The following SLC17A1 variants were observed in gnomAD, a reference collection of about 807,000 sequenced individuals.
SLC17A1 encodes the protein sodium-dependent phosphate transport protein 1.
SLC17A1 carries 51 observed loss-of-function variants against 53.5 expected under a neutral mutation model. The ratio of observed to expected loss-of-function variants is 0.95; its 90% CI spans 0.76 to 1.20. SLC17A1 has a LOEUF of 1.20. SLC17A1 is among the 50% of genes most tolerant of loss of function. The probability of loss-of-function intolerance (pLI) is 0.00; values close to 1 mark genes in which losing one functional copy is unlikely to be tolerated. For missense variants in SLC17A1, 538 were observed against 568.2 expected (o/e 0.95, Z 0.54); for synonymous variants, 179 against 198.8 (o/e 0.90, Z 0.84).
chr6:25,732,596 T>A, the SLC17A1 span: 1 of 963,370 alleles, frequency 1.0e-6, no homozygotes, highest in Non-Finnish European at 1.6e-6. Flanking sequence ...TGCCGGCGGT[T>A]CTGGAGTACC....
chr6:25,782,284 T>C (rs1442398723), downstream of SLC17A1, among the ~76,000 whole-genome samples: 2 of 152,206 alleles, frequency 1.3e-5, no homozygotes, highest in East Asian at 3.8e-4. Flanking sequence ...GCAGGTTGCC[T>C]GGCAGGGCTA....
chr6:25,731,644 A>T, the SLC17A1 span: 1 of 524,202 alleles, frequency 1.9e-6, no homozygotes, highest in Non-Finnish European at 3.2e-6. Flanking sequence ...TGTTATGCCT[A>T]GTCTAGGAAA....
At chr6:25,734,692 C>A in the SLC17A1 span, among the ~76,000 whole-genome samples, 38,789 of 152,100 alleles carry the variant, frequency 0.26, 6,455 homozygotes, top group East Asian at 0.68. Context: ...AAAATGCAAA[C>A]CTGTTTGCTA....
intron 6 of SLC17A1, among the ~76,000 whole-genome samples, chr6:25,814,614 G>A (rs1166856508): frequency 6.6e-6 from 1 of 152,016 alleles, no homozygotes; most frequent in Non-Finnish European, 1.5e-5. Flanking sequence ...ACATGACCAA[G>A]AAAAAATCAG....
the SLC17A1 span, among the ~76,000 whole-genome samples, chr6:25,736,245 C>T: frequency 2.0e-5 from 3 of 152,102 alleles, no homozygotes; most frequent in Admixed American, 1.3e-4. Flanking sequence ...CCACCCTTTC[C>T]TCCTTAATTT....
intron 10 of SLC17A1, among the ~76,000 whole-genome samples, chr6:25,805,091 T>G (rs1239416524): frequency 6.6e-6 from 1 of 152,080 alleles, no homozygotes; most frequent in East Asian, 1.9e-4. Flanking sequence ...GGTCCTCTTA[T>G]CAGCACATGA....
intron 3 of SLC17A1, among the ~76,000 whole-genome samples, chr6:25,826,173 T>C (rs1361032334): frequency 6.6e-6 from 1 of 152,134 alleles, no homozygotes; most frequent in Non-Finnish European, 1.5e-5. Context: ...TAATTTAAAA[T>C]GCTTTCCCTT....
chr6:25,787,374 G>A (rs914649719), intron 12 of SLC17A1, among the ~76,000 whole-genome samples: 1 of 151,802 alleles, frequency 6.6e-6, no homozygotes, highest in African/African-American at 2.4e-5. Flanking sequence ...AATAAGCAAG[G>A]TAGGCTGCCT....
At chr6:25,776,861 C>T in the SLC17A1 span, 1 of 1,613,994 alleles carries the variant, frequency 6.2e-7, no homozygotes, top group Non-Finnish European at 8.5e-7. Context: ...GGGTCAGATC[C>T]AGCCACAGCA....
downstream of SLC17A1, chr6:25,777,959 CTT>C: frequency 6.2e-7 from 1 of 1,613,188 alleles, no homozygotes; most frequent in Non-Finnish European, 8.5e-7. Context: ...TATTGCAAGT[CTT>C]TGCACACATA....
the SLC17A1 span, among the ~76,000 whole-genome samples, chr6:25,727,900 C>T: frequency 2.0e-5 from 3 of 151,908 alleles, no homozygotes; most frequent in Admixed American, 1.3e-4. Context: ...CACTGTAGTC[C>T]CAGCTAATTG....
At chr6:25,826,392 A>AT in intron 3 of SLC17A1, 69 bp downstream of exon 3, 2 of 1,302,170 alleles carry the variant, frequency 1.5e-6, no homozygotes, top group Non-Finnish European at 2.1e-6. Context: ...GTACAATTCC[A>AT]TATCTACACA....
chr6:25,811,746 A>C lies in SLC17A1; in HGVS notation c.922T>G (p.Tyr308Asp), dbSNP rs1188746684. Residue 308 changes from tyrosine (Y) to aspartate (D), a missense_variant, in exon 9 of 13, where the codon TAT becomes GAT. Coordinates refer to ENST00000244527, the MANE Select transcript of SLC17A1 (RefSeq NM_005074.5). The stretch of plus-strand genomic sequence containing the variant: ...TTACCACAGATCCAGGCAAACAAAT[A>C]GGGAAGGGAAGACAAGAACCCATTC... Reference protein sequence around the residue: ...KENGFLSSLPYLFAWICGNLA... With the variant: ...KENGFLSSLPDLFAWICGNLA... 2.5e-6 allele frequency: 4 copies of C among 1,613,644 alleles called. No individual in the cohort carries two copies. The highest frequency in any genetic ancestry group is 3.4e-6 in the Non-Finnish European group (4 of 1,179,724).
the SLC17A1 span, among the ~76,000 whole-genome samples, chr6:25,754,171 G>C: frequency 2.0e-5 from 3 of 152,148 alleles, no homozygotes; most frequent in Admixed American, 6.5e-5. Context: ...GAGAAAACTA[G>C]AGGTGGGGAA....
rs1763837084 is a variant in SLC17A1 at position 25,803,098 on chromosome 6, C to G, written c.1179-2118G>C. Among the ~76,000 whole-genome samples the G allele has an allele frequency of 2.0e-5, 3 of 151,708 alleles. No homozygotes were observed. In the South Asian group the frequency reaches 6.3e-4, roughly 32 times the overall value. On this transcript the variant is annotated intron_variant, in intron 10 of 12. Coordinates refer to ENST00000244527, the MANE Select transcript of SLC17A1 (RefSeq NM_005074.5). Reference sequence around the variant, plus strand: ...AGTAGCTGGGACTACAGGCGCCCACCACCATGCCCAGCTAATTTTTTGTAT... The same window carrying G: ...AGTAGCTGGGACTACAGGCGCCCACGACCATGCCCAGCTAATTTTTTGTAT...
the SLC17A1 span, chr6:25,731,702 T>C: frequency 2.1e-6 from 2 of 961,374 alleles, no homozygotes; most frequent in South Asian, 1.7e-5. Context: ...AAATAAACAT[T>C]CTACAGCCCT....
chr6:25,784,576 G>A (rs113657536), intron 12 of SLC17A1, among the ~76,000 whole-genome samples: 6,944 of 152,198 alleles, frequency 0.046, 484 homozygotes, highest in African/African-American at 0.15. Flanking sequence ...GCACCAAGCT[G>A]TCATGAGGGA....
At chr6:25,821,500 T>G (rs1764560548) in intron 3 of SLC17A1, among the ~76,000 whole-genome samples, 1 of 152,218 alleles carries the variant, frequency 6.6e-6, no homozygotes, top group Non-Finnish European at 1.5e-5. Flanking sequence ...TTTGTTTTTC[T>G]TGTTTTTAAT....
the SLC17A1 span, chr6:25,761,971 C>G: frequency 6.2e-7 from 1 of 1,613,210 alleles, no homozygotes. Context: ...AAATGTCTAC[C>G]GGACCAGATG....
Sources: gnomAD v4.1 joint callset for allele counts (sites outside exome capture counted in the v4.1 genomes callset) on GRCh38, gnomAD v4.1.1 for gene constraint, MANE v1.5 for transcripts, NCBI Gene and HGNC (gene_info 2026-07-23, HGNC 2026-07-21) for gene names.